The following GALNT18 variants were observed in gnomAD, a reference collection of about 807,000 sequenced individuals.
GALNT18 encodes polypeptide N-acetylgalactosaminyltransferase 18.
A neutral mutation model predicts 69.5 loss-of-function variants in GALNT18; 44 were observed. The observed-to-expected ratio is 0.63, with a 90% confidence interval of 0.50 to 0.81. The LOEUF (loss-of-function observed/expected upper bound fraction) is 0.81. GALNT18 is among the 40% of genes least tolerant of loss of function. The probability of loss-of-function intolerance (pLI) is 0.00; values close to 1 mark genes in which losing one functional copy is unlikely to be tolerated. For missense variants in GALNT18, 715 were observed against 810.0 expected (o/e 0.88, Z 1.42); for synonymous variants, 364 against 318.2 (o/e 1.14, Z -1.53).
Position 11,372,824 on chromosome 11 carries a change from G to T in GALNT18, c.978-195C>A, listed in dbSNP as rs10765843. Among the ~76,000 whole-genome samples the T allele has an allele frequency of 0.2, 30,242 of 152,194 alleles. 3,649 individuals are homozygous for T. The highest frequency in any genetic ancestry group is 0.4 in the East Asian group (2,042 of 5,146). The stretch of plus-strand genomic sequence containing the variant: ...CCAGAAAGGCTGTTTCATCCGGGCA[G>T]TGGGTAGACAGCTGCCATCCTGGGA... On this transcript the variant is annotated intron_variant, in intron 5 of 10. Transcript: ENST00000227756. This position sits in a 1 kb window ranked among gnomAD's most constrained non-coding sequence, Gnocchi z 4.9.
At chr11:11,429,739 A>G (rs915647184) in intron 3 of GALNT18, among the ~76,000 whole-genome samples, 3 of 152,194 alleles carry the variant, frequency 2.0e-5, no homozygotes, top group Non-Finnish European at 2.9e-5. Flanking sequence ...TTTAGTCCAG[A>G]GCTCTGGCCC....
rs924420485 is a variant in GALNT18 at position 11,620,760 on chromosome 11, T to G, written c.235+599A>C. Among the ~76,000 whole-genome samples the G allele has an allele frequency of 1.3e-5, 2 of 152,054 alleles. No homozygotes were observed. The highest frequency in any genetic ancestry group is 4.8e-5 in the African/African-American group (2 of 41,404). On this transcript the variant is annotated intron_variant, in intron 1 of 10. Coordinates refer to ENST00000227756, the MANE Select transcript of GALNT18 (RefSeq NM_198516.3). This position sits in a 1 kb window ranked among gnomAD's most constrained non-coding sequence, Gnocchi z 6.9. ...GGTGGGGGTAGGGACTGCTATAGGT[T>G]CAAGCGGCTTTTCAACCACAGAGGG...
chr11:11,571,998 G>A (rs1858803897), intron 1 of GALNT18, among the ~76,000 whole-genome samples: 1 of 152,344 alleles, frequency 6.6e-6, no homozygotes, highest in South Asian at 2.1e-4. Context: ...TCCCTGGGAA[G>A]CACTTTACAA....
In GALNT18 at chr11:11,332,846, A is replaced by G. The variant is rs901554; in HGVS notation, c.1279-15T>C. 0.88 allele frequency: 1,422,993 copies of G among 1,610,538 alleles called. 629,544 individuals carry two copies. The highest frequency in any genetic ancestry group is 0.93 in the Admixed American group (55,674 of 59,998). On this transcript the variant is annotated splice_polypyrimidine_tract_variant and intron_variant, in intron 7 of 10. Transcript: ENST00000227756. This position sits in a 1 kb window ranked among gnomAD's most constrained non-coding sequence, Gnocchi z 4.3. Reference sequence around the variant, plus strand: ...ATTCCTGAGTCCTGCACAGGGACGCAGAAGCAGAGATGAAGCCACTCCCAG... The same window carrying G: ...ATTCCTGAGTCCTGCACAGGGACGCGGAAGCAGAGATGAAGCCACTCCCAG...
In GALNT18 at chr11:11,594,878, TATAA is replaced by T. The variant is rs1328472675; in HGVS notation, c.235+26477_235+26480del. On this transcript the variant is annotated intron_variant, in intron 1 of 10. Transcript: ENST00000227756. The stretch of plus-strand genomic sequence containing the variant: ...ACATACACACACATAAATATATATA[TATAA>T]AAAATCTACATATACACACAGATAC... Among the ~76,000 whole-genome samples the T allele has an allele frequency of 4.1e-4, 59 of 143,984 alleles. 2 individuals carry two copies. The East Asian group carries it at 8.1e-3, about 20-fold the overall frequency. The allele number at this position is 143,984 out of a possible 152,430, so 94.5% of individuals were successfully genotyped here. A position where few individuals can be genotyped will look rare whatever the true frequency, so the allele number is the denominator to read the frequency against.
intron 10 of GALNT18, among the ~76,000 whole-genome samples, chr11:11,283,799 A>G (rs550661192): frequency 5.0e-4 from 76 of 152,334 alleles, no homozygotes; most frequent in South Asian, 1.0e-3. Context: ...ACCTGGCAGG[A>G]GAGAAGCCGT....
chr11:11,464,738 G>A (rs1856119622), intron 1 of GALNT18, among the ~76,000 whole-genome samples: 1 of 152,238 alleles, frequency 6.6e-6, no homozygotes, highest in South Asian at 2.1e-4. Flanking sequence ...GAGTCACACT[G>A]CCTGAGTTTG....
At chr11:11,384,207 T>C (rs1319391818) in intron 3 of GALNT18, among the ~76,000 whole-genome samples, 1 of 152,142 alleles carries the variant, frequency 6.6e-6, no homozygotes, top group Non-Finnish European at 1.5e-5. Context: ...AGTGTGATGG[T>C]ATTAGGAGGT....
intron 1 of GALNT18, among the ~76,000 whole-genome samples, chr11:11,585,847 A>G (rs1157548446): frequency 6.8e-6 from 1 of 146,930 alleles, no homozygotes; most frequent in African/African-American, 2.5e-5. Flanking sequence ...AAACTGCAAT[A>G]GACTGAATGT....
chr11:11,281,051 T>G (rs1364757779), intron 10 of GALNT18, among the ~76,000 whole-genome samples: 1 of 152,206 alleles, frequency 6.6e-6, no homozygotes, highest in Non-Finnish European at 1.5e-5. Context: ...TGAACAGATC[T>G]GTGGCCAGTT....
rs78040451 is a variant in GALNT18 at position 11,439,225 on chromosome 11, C to T, written c.429-6438G>A. Among the ~76,000 whole-genome samples the T allele has an allele frequency of 0.029, 4,488 of 152,252 alleles. 230 individuals are homozygous for T. Among genetic ancestry groups the T allele is most frequent in the African/African-American group, 0.1 (4,245 of 41,524 alleles). The stretch of plus-strand genomic sequence containing the variant: ...GCGTTGTCAGTGAGTGAACTGTAGA[C>T]GTGGACATGAAGTCACTGTTAGAAA... On this transcript the variant is annotated intron_variant, in intron 2 of 10. Coordinates refer to ENST00000227756, the MANE Select transcript of GALNT18 (RefSeq NM_198516.3). This position sits in a 1 kb window ranked among gnomAD's most constrained non-coding sequence, Gnocchi z 4.4.
chr11:11,342,002 G>A (rs1427607729), intron 6 of GALNT18, among the ~76,000 whole-genome samples: 1 of 151,576 alleles, frequency 6.6e-6, no homozygotes, highest in Non-Finnish European at 1.5e-5. Flanking sequence ...TGACTATATG[G>A]CCCCAACATT....
At position 11,587,826 on chromosome 11, in the gene GALNT18, C is replaced by G. The variant is rs1430378677; in HGVS notation, c.235+33533G>C. Among the ~76,000 whole-genome samples the G allele has an allele frequency of 6.6e-6, 1 of 152,128 alleles. No homozygotes were observed. Among genetic ancestry groups the G allele is most frequent in the Non-Finnish European group, 1.5e-5 (1 of 68,028 alleles). ...GCCCCCACCCTTTCATTTCATGAAC[C>G]TCTTCTATGGTCCAAAGAATAATAA... On this transcript the variant is annotated intron_variant, in intron 1 of 10. Transcript: ENST00000227756. This position sits in a 1 kb window ranked among gnomAD's most constrained non-coding sequence, Gnocchi z 4.4.
Position 11,372,558 on chromosome 11 carries a change from C to A in GALNT18, c.1049G>T (p.Gly350Val). ...ATTCTCGCCCCCGTAGACTTCCATG[C>A]CTTCGTCCAGCAGGCCGATCTCCTG... ...YFQEIGLLDEGMEVYGGENVE... is the reference protein window; with the variant it reads ...YFQEIGLLDEVMEVYGGENVE... Residue 350 changes from glycine (G) to valine (V), a missense_variant, in exon 6 of 11, where the codon GGC becomes GTC. Physicochemically the swap from Gly to Val is moderately radical, Grantham distance 109. Transcript: ENST00000227756. This position sits in a 1 kb window ranked among gnomAD's most constrained non-coding sequence, Gnocchi z 4.9. 1 of 1,614,222 alleles carries A rather than the reference C, an allele frequency of 6.2e-7. No homozygotes were observed.
In GALNT18 at chr11:11,480,882, T is replaced by C. The variant is rs530855647; in HGVS notation, c.236-31946A>G. ...GGAAAATGATTCCTGACTCAGGACT[T>C]CTCAGGCCTTTCTTGGGAACCTCCA... On this transcript the variant is annotated intron_variant, in intron 1 of 10. Transcript: ENST00000227756. The surrounding 1 kb of genome is among the most constrained non-coding windows in gnomAD (Gnocchi z 4.6). Among the ~76,000 whole-genome samples the C allele has an allele frequency of 6.6e-6, 1 of 152,164 alleles. No homozygotes were observed. The highest frequency in any genetic ancestry group is 1.5e-5 in the Non-Finnish European group (1 of 68,024).
rs369197547 is a variant in GALNT18 at position 11,480,671 on chromosome 11, T to A, written c.236-31735A>T. 2.6e-5 allele frequency among the ~76,000 whole-genome samples: 4 copies of A among 152,208 alleles called. No individual in the cohort carries two copies. The East Asian group carries it at 5.8e-4, about 22-fold the overall frequency. ...GATCACTGAGAGCAGAGAAGTGACA[T>A]TGAGAGGCTGGCTTCAGCCTCCAGA... On this transcript the variant is annotated intron_variant, in intron 1 of 10. Transcript: ENST00000227756. This position sits in a 1 kb window ranked among gnomAD's most constrained non-coding sequence, Gnocchi z 4.6.
At chr11:11,333,843 T>A (rs1850062078) in intron 7 of GALNT18, among the ~76,000 whole-genome samples, 1 of 152,076 alleles carries the variant, frequency 6.6e-6, no homozygotes, top group Admixed American at 6.5e-5. Context: ...TTGGCCTGCA[T>A]ACCCGCTGTT....
intron 1 of GALNT18, among the ~76,000 whole-genome samples, chr11:11,593,195 T>G (rs1396918792): frequency 6.6e-6 from 1 of 152,206 alleles, no homozygotes; most frequent in Non-Finnish European, 1.5e-5. Context: ...GTCTGTCCAA[T>G]GCAGCTCCCT....
rs10831641 is a variant in GALNT18, at chr11:11,573,130, A to T, written c.235+48229T>A. Among the ~76,000 whole-genome samples, 50,575 of 151,996 alleles carry T rather than the reference A, an allele frequency of 0.33. 9,339 individuals carry two copies. Among genetic ancestry groups the T allele is most frequent in the South Asian group, 0.42 (2,003 of 4,808 alleles). ...GACACTGGGTCTGAATTCACATTGA[A>T]CTGGTTCCAAAACCCTGCCTTTCTG... On this transcript the variant is annotated intron_variant, in intron 1 of 10. Transcript: ENST00000227756. This position sits in a 1 kb window ranked among gnomAD's most constrained non-coding sequence, Gnocchi z 4.6.
Sources: allele counts gnomAD v4.1 joint callset (sites outside exome capture counted in the v4.1 genomes callset), GRCh38; gene constraint gnomAD v4.1.1; non-coding constraint Gnocchi (gnomAD v3.1); transcripts MANE v1.5; gene names NCBI Gene and HGNC (gene_info 2026-07-23, HGNC 2026-07-21).